STAC: variants seen among roughly 807,000 people sequenced by gnomAD.
STAC encodes SH3 and cysteine-rich domain-containing protein.
Under a neutral mutation model 48.8 loss-of-function variants are expected in STAC, and 43 were observed. The observed-to-expected ratio is 0.88, with a 90% confidence interval of 0.69 to 1.14. STAC has a LOEUF of 1.14. STAC is among the 50% of genes most tolerant of loss of function. The pLI is 0.00. For synonymous variants in STAC, 193 were observed against 179.5 expected, an observed-to-expected ratio of 1.07 and a Z score of -0.60; for missense variants, 497 against 504.0, an observed-to-expected ratio of 0.99 and a Z score of 0.13.
intron 1 of STAC, among the ~76,000 whole-genome samples, chr3:36,401,737 T>G (rs1425729687): frequency 6.6e-6 from 1 of 152,142 alleles, no homozygotes; most frequent in African/African-American, 2.4e-5. Flanking sequence ...TGCTCAAACA[T>G]TTTGAAGAAA....
At chr3:36,438,029 C>T (rs1035421683) in intron 1 of STAC, among the ~76,000 whole-genome samples, 13 of 151,328 alleles carry the variant, frequency 8.6e-5, no homozygotes, top group African/African-American at 3.2e-4. Flanking sequence ...ACCTTGCCTC[C>T]CAGGTTCAAG....
chr3:36,401,184 T>G (rs991991902), intron 1 of STAC, among the ~76,000 whole-genome samples: 8 of 152,116 alleles, frequency 5.3e-5, no homozygotes, highest in Admixed American at 4.6e-4. Flanking sequence ...CTCCATTCCT[T>G]CTGGAAATAA....
intron 6 of STAC, among the ~76,000 whole-genome samples, chr3:36,503,437 GT>G (rs1698325186): frequency 6.6e-6 from 1 of 151,766 alleles, no homozygotes; most frequent in Non-Finnish European, 1.5e-5. Flanking sequence ...TTTTGTTTTT[GT>G]TTTTGTTTTT....
intron 1 of STAC, among the ~76,000 whole-genome samples, chr3:36,441,943 G>GT (rs1401462512): frequency 6.9e-6 from 1 of 144,082 alleles, no homozygotes; most frequent in African/African-American, 2.5e-5. Flanking sequence ...TTGGAGGTTT[G>GT]TGTTTTTTTT....
chr3:36,426,589 GA>G (rs1339621161), intron 1 of STAC, among the ~76,000 whole-genome samples: 1 of 152,144 alleles, frequency 6.6e-6, no homozygotes, highest in Admixed American at 6.5e-5. Context: ...TCAAGCCAGA[GA>G]TTTTTCTTAA....
intron 5 of STAC, among the ~76,000 whole-genome samples, chr3:36,489,669 T>C (rs945125694): frequency 2.6e-5 from 4 of 152,256 alleles, no homozygotes; most frequent in Non-Finnish European, 4.4e-5. Flanking sequence ...TTTTCATTAC[T>C]TTATACCAGT....
chr3:36,491,371 A>G (rs1016993576), intron 5 of STAC, among the ~76,000 whole-genome samples: 1 of 152,222 alleles, frequency 6.6e-6, no homozygotes, highest in African/African-American at 2.4e-5. Flanking sequence ...GGGAAAGCTA[A>G]AAGAAACCAA....
At chr3:36,414,324 G>T (rs924885470) in intron 1 of STAC, among the ~76,000 whole-genome samples, 1 of 152,010 alleles carries the variant, frequency 6.6e-6, no homozygotes, top group East Asian at 1.9e-4. Flanking sequence ...ATCAGACGTA[G>T]ATTTGGTCTT....
At chr3:36,402,369 G>A (rs976033854) in intron 1 of STAC, among the ~76,000 whole-genome samples, 6 of 152,004 alleles carry the variant, frequency 3.9e-5, no homozygotes, top group African/African-American at 1.2e-4. Flanking sequence ...CGGTGAGGAA[G>A]AAGGAAGGTG....
chr3:36,438,519 A>G (rs1696223859), intron 1 of STAC, among the ~76,000 whole-genome samples: 1 of 152,232 alleles, frequency 6.6e-6, no homozygotes, highest in Non-Finnish European at 1.5e-5. Flanking sequence ...AATTAGAGAA[A>G]GCATGTTCCT....
intron 1 of STAC, among the ~76,000 whole-genome samples, chr3:36,405,514 C>T (rs1244562341): frequency 6.6e-6 from 1 of 152,162 alleles, no homozygotes; most frequent in Non-Finnish European, 1.5e-5. Context: ...CCTTCATCAT[C>T]TAGGGCTGTC....
intron 1 of STAC, among the ~76,000 whole-genome samples, chr3:36,391,308 CT>C (rs572760849): frequency 5.3e-5 from 8 of 152,286 alleles, no homozygotes; most frequent in African/African-American, 1.9e-4. Context: ...AAATATTGTT[CT>C]TCCCCAGCAT....
At position 36,542,726 on chromosome 3, in the gene STAC, A is replaced by G. The variant is rs145598215; in HGVS notation, c.1111-3465A>G. Among the ~76,000 whole-genome samples the G allele has an allele frequency of 7.8e-3, 1,185 of 152,310 alleles. 18 individuals carry two copies. Among genetic ancestry groups the G allele is most frequent in the African/African-American group, 0.027 (1,116 of 41,564 alleles). On this transcript the variant is annotated intron_variant, in intron 10 of 10. Transcript: ENST00000273183. ...TTTATGTTGTCAGTCAGATTACTAAATGTTGTCCACAGGACAATCAGCCAT... is the reference window on the plus strand; with the variant it reads ...TTTATGTTGTCAGTCAGATTACTAAGTGTTGTCCACAGGACAATCAGCCAT...
intron 1 of STAC, among the ~76,000 whole-genome samples, chr3:36,418,819 G>A (rs895260432): frequency 1.3e-4 from 20 of 152,000 alleles, no homozygotes; most frequent in African/African-American, 2.7e-4. Flanking sequence ...AGGCCGAGGC[G>A]GGCAGATCAC....
chr3:36,523,787 T>C (rs947363567), intron 8 of STAC, among the ~76,000 whole-genome samples: 10 of 152,198 alleles, frequency 6.6e-5, no homozygotes, highest in African/African-American at 1.7e-4. Flanking sequence ...CCACCATTCC[T>C]TTGGGACCAA....
intron 1 of STAC, among the ~76,000 whole-genome samples, chr3:36,395,734 T>C (rs1482277314): frequency 6.6e-6 from 1 of 152,182 alleles, no homozygotes; most frequent in Non-Finnish European, 1.5e-5. Flanking sequence ...GTCTCACTGC[T>C]TATGGAAGCT....
rs575533371 is a variant in STAC at position 36,443,921 on chromosome 3, C to T, written c.388+281C>T. On this transcript the variant is annotated intron_variant, in intron 2 of 10. Transcript: ENST00000273183. The surrounding 1 kb of genome is among the most constrained non-coding windows in gnomAD (Gnocchi z 4.2). The stretch of plus-strand genomic sequence containing the variant: ...TTTAGCGTGTTCTTGCATTGAGGCT[C>T]GAGGTCTGGGTCTTTGAACACCTGC... 3.5e-4 allele frequency among the ~76,000 whole-genome samples: 54 copies of T among 152,222 alleles called. No homozygotes were observed. Among genetic ancestry groups the T allele is most frequent in the African/African-American group, 1.1e-3 (46 of 41,536 alleles).
At chr3:36,417,227 G>A (rs1025750660) in intron 1 of STAC, among the ~76,000 whole-genome samples, 2 of 152,126 alleles carry the variant, frequency 1.3e-5, no homozygotes, top group Admixed American at 1.3e-4. Flanking sequence ...ATGATACCCT[G>A]TGTATGCCAT....
intron 6 of STAC, among the ~76,000 whole-genome samples, chr3:36,499,009 A>C (rs1269670523): frequency 2.6e-5 from 4 of 152,244 alleles, no homozygotes; most frequent in African/African-American, 9.6e-5. Flanking sequence ...ATAACAGTAG[A>C]ATGCTATCTT....
Sources: gnomAD v4.1 joint callset for allele counts (sites outside exome capture counted in the v4.1 genomes callset) on GRCh38, gnomAD v4.1.1 for gene constraint, Gnocchi (gnomAD v3.1) non-coding constraint, MANE v1.5 for transcripts, NCBI Gene and HGNC (gene_info 2026-07-23, HGNC 2026-07-21) for gene names.